STARD13: variants seen among roughly 807,000 people sequenced by gnomAD.
STARD13 encodes the protein StAR related lipid transfer domain containing 13.
Under a neutral mutation model 106.4 loss-of-function variants are expected in STARD13, and 62 were observed. That is an observed-to-expected ratio of 0.58 (90% CI 0.48 to 0.72). The LOEUF (loss-of-function observed/expected upper bound fraction) is 0.72. Ranked by LOEUF, STARD13 falls within the 30% of genes least tolerant of loss-of-function variation. The pLI is 0.00. For synonymous variants in STARD13, 565 were observed against 553.0 expected (o/e 1.02, Z -0.31); for missense variants, 1,387 against 1,424.0 (o/e 0.97, Z 0.42).
the STARD13 span, among the ~76,000 whole-genome samples, chr13:33,395,475 G>T: frequency 6.6e-6 from 1 of 152,082 alleles, no homozygotes; most frequent in African/African-American, 2.4e-5. Context: ...CACCATTGTT[G>T]TAGTGGAAAT....
chr13:33,609,929 T>G, the STARD13 span, among the ~76,000 whole-genome samples: 1 of 152,318 alleles, frequency 6.6e-6, no homozygotes, highest in East Asian at 1.9e-4. Context: ...CTAGTGTAAA[T>G]GTACAAACAT....
chr13:33,634,658 A>G, the STARD13 span, among the ~76,000 whole-genome samples: 1 of 152,180 alleles, frequency 6.6e-6, no homozygotes, highest in Non-Finnish European at 1.5e-5. Flanking sequence ...CCAGAACTGA[A>G]TAGTTCAAAT....
At position 33,105,094 on chromosome 13, in the gene STARD13, C is replaced by G. The variant is rs1366299943; in HGVS notation, c.*499G>C. 1 of 155,174 alleles carries G rather than the reference C, an allele frequency of 6.4e-6. No individual in the cohort carries two copies. Among genetic ancestry groups the G allele is most frequent in the African/African-American group, 2.4e-5 (1 of 41,458 alleles). The allele number at this position is 155,174 out of a possible 1,614,324, so 9.6% of individuals were successfully genotyped here. A position where few individuals can be genotyped will look rare whatever the true frequency, so the allele number is the denominator to read the frequency against. On this transcript the variant is annotated 3_prime_UTR_variant, in exon 14 of 14. Coordinates refer to ENST00000336934, the MANE Select transcript of STARD13 (RefSeq NM_178006.4). ...AGCAGGTTCTGCACAGCTTACAGGA[C>G]AGTGGAGAGATGGGGCCCAGAGCCA...
At chr13:33,356,878 GC>G in the STARD13 span, among the ~76,000 whole-genome samples, 1 of 152,190 alleles carries the variant, frequency 6.6e-6, no homozygotes, top group Non-Finnish European at 1.5e-5. Flanking sequence ...TCACATCTTA[GC>G]TCTGGGAATG....
At chr13:33,124,461 G>A (rs1273550992) in intron 7 of STARD13, among the ~76,000 whole-genome samples, 1 of 152,048 alleles carries the variant, frequency 6.6e-6, no homozygotes, top group Non-Finnish European at 1.5e-5. Flanking sequence ...AGCCTTTGCC[G>A]GCACACTGTT....
At chr13:33,659,390 G>A in the STARD13 span, among the ~76,000 whole-genome samples, 6 of 151,778 alleles carry the variant, frequency 4.0e-5, no homozygotes, top group South Asian at 6.3e-4. Context: ...TAATTTTTGT[G>A]TTTTTAGTAG....
chr13:33,655,016 G>C, the STARD13 span, among the ~76,000 whole-genome samples: 1 of 152,202 alleles, frequency 6.6e-6, no homozygotes, highest in African/African-American at 2.4e-5. Context: ...CTGGAGGTGT[G>C]TTAAGAACTA....
At chr13:33,554,784 A>G in the STARD13 span, among the ~76,000 whole-genome samples, 1 of 152,156 alleles carries the variant, frequency 6.6e-6, no homozygotes, top group East Asian at 1.9e-4. Context: ...CTGAGAAGAA[A>G]AGGCTTGGGG....
At chr13:33,631,000 A>G in the STARD13 span, among the ~76,000 whole-genome samples, 5 of 152,230 alleles carry the variant, frequency 3.3e-5, no homozygotes, top group African/African-American at 1.2e-4. Flanking sequence ...CTGCATTTAA[A>G]AACAAAAACC....
At position 33,106,836 on chromosome 13, in the gene STARD13, A is replaced by G. The variant is rs2138051455; in HGVS notation, c.3146T>C (p.Val1049Ala). 6.2e-7 allele frequency: 1 copy of G among 1,614,180 alleles called. No homozygotes were observed. Among genetic ancestry groups the G allele is most frequent in the East Asian group, 2.2e-5 (1 of 44,884 alleles). ...AQLLGGVRAV[V>A]MDSQYLIEPC... ...TTCTATCAAGTACTGCGAGTCCATC[A>G]CCACTGCTCGCACACCACCCAGGAG... is the stretch of plus-strand genomic sequence containing the variant. Residue 1049 changes from valine to alanine, a missense_variant, in exon 13 of 14, where the codon GTG (valine) becomes GCG (alanine). By Grantham distance (64) the Val-to-Ala change is moderately conservative. Coordinates refer to ENST00000336934, the MANE Select transcript of STARD13 (RefSeq NM_178006.4).
the STARD13 span, among the ~76,000 whole-genome samples, chr13:33,370,645 G>T: frequency 1.5e-5 from 2 of 134,744 alleles, no homozygotes; most frequent in Admixed American, 7.8e-5. Flanking sequence ...TTGAGACAGA[G>T]TCTCATTCTG....
intron 4 of STARD13, among the ~76,000 whole-genome samples, chr13:33,132,133 A>C (rs12100421): frequency 0.027 from 4,165 of 151,856 alleles, 203 homozygotes; most frequent in African/African-American, 0.093. Flanking sequence ...AAACTTGAAC[A>C]TTCAAGTTTA....
the STARD13 span, among the ~76,000 whole-genome samples, chr13:33,570,774 G>A: frequency 6.6e-6 from 1 of 152,134 alleles, no homozygotes; most frequent in African/African-American, 2.4e-5. Flanking sequence ...TTTCCAGACT[G>A]ATCAAATGAA....
At chr13:33,142,226 G>T (rs1168022765) in intron 4 of STARD13, 84 bp downstream of exon 4, 4 of 1,012,490 alleles carry the variant, frequency 4.0e-6, no homozygotes, top group Non-Finnish European at 6.2e-6. Context: ...TAGACACAAG[G>T]GTCTCACTAT....
chr13:33,116,525 A>T (rs189821228), intron 8 of STARD13, among the ~76,000 whole-genome samples: 1 of 152,354 alleles, frequency 6.6e-6, no homozygotes, highest in Non-Finnish European at 1.5e-5. Context: ...GCTCAGCTAA[A>T]ATAAAGCCTG....
intron 3 of STARD13, among the ~76,000 whole-genome samples, chr13:33,160,655 G>T (rs561086729): frequency 1.6e-4 from 25 of 152,080 alleles, no homozygotes; most frequent in Non-Finnish European, 3.4e-4. Context: ...AAAAGAAGAC[G>T]TATGGATGGT....
chr13:33,373,481 C>G, the STARD13 span, among the ~76,000 whole-genome samples: 1 of 152,000 alleles, frequency 6.6e-6, no homozygotes, highest in East Asian at 1.9e-4. Flanking sequence ...GTTCTTTGAA[C>G]AGTTCCTATA....
chr13:33,618,659 A>T, the STARD13 span, among the ~76,000 whole-genome samples: 1 of 152,054 alleles, frequency 6.6e-6, no homozygotes, highest in Non-Finnish European at 1.5e-5. Flanking sequence ...CATATCATAA[A>T]ACTGGAGAGA....
the STARD13 span, among the ~76,000 whole-genome samples, chr13:33,530,467 T>C: frequency 1.8e-5 from 2 of 110,094 alleles, no homozygotes; most frequent in Non-Finnish European, 1.8e-5. Flanking sequence ...CCTTCATACA[T>C]TTTTTTATGT....
Sources: gnomAD v4.1 joint callset for allele counts (sites outside exome capture counted in the v4.1 genomes callset) on GRCh38, gnomAD v4.1.1 for gene constraint, MANE v1.5 for transcripts, NCBI Gene and HGNC (gene_info 2026-07-23, HGNC 2026-07-21) for gene names.